The following TTC28 variants were observed in gnomAD, a reference collection of about 807,000 sequenced individuals.
The protein encoded by TTC28 is tetratricopeptide repeat protein 28.
TTC28 carries 61 observed loss-of-function variants against 198.0 expected under a neutral mutation model. That is an observed-to-expected ratio of 0.31 (90% CI 0.25 to 0.38). The LOEUF (loss-of-function observed/expected upper bound fraction) is 0.38. TTC28 is among the 10% of genes least tolerant of loss of function. The pLI is 1.00. For synonymous variants in TTC28, 1,171 were observed against 1,297.8 expected, an observed-to-expected ratio of 0.90 and a Z score of 2.10; for missense variants, 2,678 against 3,164.0, an observed-to-expected ratio of 0.85 and a Z score of 3.69.
chr22:27,983,206 T>G lies in TTC28; in HGVS notation c.6461A>C (p.Asn2154Thr), dbSNP rs1569065020. The G allele has an allele frequency of 2.6e-6, 4 of 1,551,814 alleles. No homozygotes were observed. The East Asian group carries it at 9.8e-5, about 38-fold the overall frequency. Reference sequence around the variant, plus strand: ...TAACTCTTGTGGATCCAGTTTTGGGTTGCTTTCTTCTTGGGATTTCACGGT... The same window carrying G: ...TAACTCTTGTGGATCCAGTTTTGGGGTGCTTTCTTCTTGGGATTTCACGGT... ...DSTVKSQEES[N>T]PKLDPQELAQ... Residue 2154 changes from asparagine (N) to threonine (T), a missense_variant, in exon 23 of 23, where the codon AAC becomes ACC. This residue lies in a region of TTC28 where 622 missense variants were observed against 656.0 expected (regional missense o/e 0.95). Transcript: ENST00000397906.
At chr22:28,321,869 C>T (rs1210776177) in intron 2 of TTC28, among the ~76,000 whole-genome samples, 1 of 152,196 alleles carries the variant, frequency 6.6e-6, no homozygotes, top group Non-Finnish European at 1.5e-5. Flanking sequence ...CTGAGTCTCA[C>T]TCTGTCACCC....
At chr22:28,083,247 C>G (rs1941432685) in intron 12 of TTC28, among the ~76,000 whole-genome samples, 1 of 152,124 alleles carries the variant, frequency 6.6e-6, no homozygotes, top group African/African-American at 2.4e-5. Context: ...AGATCCAGAG[C>G]TCAGAGACCC....
chr22:28,233,910 T>TA (rs1483143449), intron 5 of TTC28, among the ~76,000 whole-genome samples: 1 of 110,062 alleles, frequency 9.1e-6, no homozygotes, highest in Non-Finnish European at 1.9e-5. Context: ...AGCAAATTAG[T>TA]TTTTTTTTTT....
chr22:28,344,159 A>C (rs554781660), intron 2 of TTC28, among the ~76,000 whole-genome samples: 1 of 151,136 alleles, frequency 6.6e-6, no homozygotes, highest in East Asian at 1.9e-4. Context: ...GTCTAGAAAC[A>C]CAACTCAGAA....
chr22:28,042,956 C>T (rs1356782195), intron 12 of TTC28, among the ~76,000 whole-genome samples: 1 of 152,018 alleles, frequency 6.6e-6, no homozygotes, highest in Non-Finnish European at 1.5e-5. Flanking sequence ...CTAGAAACTG[C>T]CTCCCTGGGC....
At chr22:28,027,525 G>A (rs1027804814) in intron 13 of TTC28, among the ~76,000 whole-genome samples, 6 of 152,288 alleles carry the variant, frequency 3.9e-5, no homozygotes, top group Admixed American at 2.6e-4. Context: ...AACCACCAAG[G>A]AACAAAGGGG....
intron 1 of TTC28, among the ~76,000 whole-genome samples, chr22:28,669,292 T>TA (rs1290447985): frequency 5.0e-5 from 7 of 140,952 alleles, no homozygotes; most frequent in South Asian, 2.3e-4. Flanking sequence ...CCCTAAAACT[T>TA]AGAGTATAAT....
At chr22:28,062,659 A>G (rs911664175) in intron 12 of TTC28, among the ~76,000 whole-genome samples, 2 of 152,044 alleles carry the variant, frequency 1.3e-5, no homozygotes, top group Non-Finnish European at 2.9e-5. Flanking sequence ...CTATTGATCT[A>G]TAAGTTCATT....
chr22:28,182,930 T>C (rs1406043488), intron 5 of TTC28, among the ~76,000 whole-genome samples: 1 of 152,220 alleles, frequency 6.6e-6, no homozygotes, highest in Non-Finnish European at 1.5e-5. Context: ...TATAGCTGTT[T>C]AGGTGAAGTT....
At chr22:28,138,615 T>C (rs1004892050) in intron 6 of TTC28, among the ~76,000 whole-genome samples, 1 of 152,184 alleles carries the variant, frequency 6.6e-6, no homozygotes, top group Admixed American at 6.5e-5. Flanking sequence ...AGTATACTGA[T>C]TTGGTCAGTA....
intron 2 of TTC28, among the ~76,000 whole-genome samples, chr22:28,341,752 T>G (rs760120479): frequency 2.0e-5 from 3 of 152,054 alleles, no homozygotes; most frequent in Non-Finnish European, 4.4e-5. Context: ...ATTGTGCCAC[T>G]GCACTCCAGC....
chr22:28,406,638 T>G (rs2146119195), intron 2 of TTC28, among the ~76,000 whole-genome samples: 1 of 152,266 alleles, frequency 6.6e-6, no homozygotes, highest in East Asian at 1.9e-4. Flanking sequence ...ACCTAAAAAT[T>G]GGGGAAAATG....
chr22:28,078,374 T>C (rs1426222515), intron 12 of TTC28, among the ~76,000 whole-genome samples: 1 of 152,080 alleles, frequency 6.6e-6, no homozygotes, highest in Non-Finnish European at 1.5e-5. Context: ...CAACTTCTGG[T>C]GACTAAATTT....
chr22:28,629,312 A>C lies in TTC28; in HGVS notation c.381+240T>G, dbSNP rs2051131262. On this transcript the variant is annotated intron_variant, in intron 2 of 22. Coordinates refer to ENST00000397906, the MANE Select transcript of TTC28 (RefSeq NM_001145418.2). ...ACTTATCAAGCGGCACAGATAAAAA[A>C]AAATTTAAATCTCACACATACAGGA... is the stretch of plus-strand genomic sequence containing the variant. 2.1e-5 allele frequency: 10 copies of C among 472,418 alleles called. No individual in the cohort carries two copies. The South Asian group carries it at 3.9e-4, about 18-fold the overall frequency. The allele number at this position is 472,418 out of a possible 1,614,324, so 29.3% of individuals were successfully genotyped here. A position where few individuals can be genotyped will look rare whatever the true frequency, so the allele number is the denominator to read the frequency against.
intron 2 of TTC28, among the ~76,000 whole-genome samples, chr22:28,482,395 A>G (rs2048263140): frequency 6.6e-6 from 1 of 151,580 alleles, no homozygotes; most frequent in Admixed American, 6.6e-5. Flanking sequence ...TTTTTAGTAG[A>G]GACAGGGTTT....
intron 2 of TTC28, among the ~76,000 whole-genome samples, chr22:28,468,815 G>C (rs1435170555): frequency 1.3e-5 from 2 of 151,296 alleles, no homozygotes; most frequent in Non-Finnish European, 2.9e-5. Context: ...GCGATTACAG[G>C]CATGAGCCAC....
At chr22:28,380,039 T>C (rs1230860743) in intron 2 of TTC28, among the ~76,000 whole-genome samples, 3 of 127,144 alleles carry the variant, frequency 2.4e-5, no homozygotes, top group African/African-American at 5.1e-5. Flanking sequence ...TTAATTACAC[T>C]ATGCTTCTTC....
At chr22:28,447,272 G>A (rs1457414285) in intron 2 of TTC28, among the ~76,000 whole-genome samples, 1 of 152,132 alleles carries the variant, frequency 6.6e-6, no homozygotes, top group African/African-American at 2.4e-5. Context: ...TGTGAGGATT[G>A]TAAACCTAAA....
intron 5 of TTC28, among the ~76,000 whole-genome samples, chr22:28,232,521 A>C (rs1264457484): frequency 6.6e-6 from 1 of 152,180 alleles, no homozygotes; most frequent in Middle Eastern, 3.2e-3. Context: ...GTTCCGGGGT[A>C]CATGTATCCT....
Sources: gnomAD v4.1 joint callset for allele counts (sites outside exome capture counted in the v4.1 genomes callset) on GRCh38, gnomAD v4.1.1 for gene constraint, gnomAD v4.1.1 regional missense constraint, MANE v1.5 for transcripts, NCBI Gene and HGNC (gene_info 2026-07-23, HGNC 2026-07-21) for gene names.